The following SPOCK3 variants were observed in gnomAD, a reference collection of about 807,000 sequenced individuals.
SPOCK3 encodes the protein SPARC (osteonectin), cwcv and kazal like domains proteoglycan 3, also known as testican-3.
A neutral mutation model predicts 56.6 loss-of-function variants in SPOCK3; 30 were observed. The observed-to-expected ratio is 0.53, with a 90% CI of 0.40 to 0.72. The LOEUF (loss-of-function observed/expected upper bound fraction) is 0.72, where lower values mean the gene tolerates loss of function less well. Among genes scored for constraint, SPOCK3 ranks in the 30% least tolerant of loss-of-function variants. SPOCK3 has a pLI of 0.00. For missense variants in SPOCK3, 527 were observed against 530.0 expected (o/e 0.99, Z 0.06); for synonymous variants, 196 against 183.3 (o/e 1.07, Z -0.56).
chr4:167,018,479 A>C lies in SPOCK3; in HGVS notation c.236-18016T>G, dbSNP rs548195626. 5.3e-5 allele frequency among the ~76,000 whole-genome samples: 8 copies of C among 152,214 alleles called. No individual in the cohort carries two copies. The East Asian group carries it at 1.6e-3, about 30-fold the overall frequency. ...CACTAAATATGGTTTGTGATTCTATAGCCATTCGCCCAGAATAAAAGAACA... is the reference window on the plus strand; with the variant it reads ...CACTAAATATGGTTTGTGATTCTATCGCCATTCGCCCAGAATAAAAGAACA... On this transcript the variant is annotated intron_variant, in intron 3 of 10. Coordinates refer to ENST00000357545, the MANE Select transcript of SPOCK3 (RefSeq NM_001040159.2).
rs180950390 is a variant in SPOCK3, at chr4:166,996,457, A to C, written c.350+3892T>G. Among the ~76,000 whole-genome samples, 587 of 152,306 alleles carry C rather than the reference A, an allele frequency of 3.9e-3. 5 individuals are homozygous for C. Among genetic ancestry groups the C allele is most frequent in the Non-Finnish European group, 2.8e-3 (189 of 68,022 alleles). On this transcript the variant is annotated intron_variant, in intron 4 of 10. Transcript: ENST00000357545. ...ATCACCCTCAGCTGTCAGCATCTTC[A>C]GATCTTTCCCCAAGGGTAACAATAT...
intron 4 of SPOCK3, among the ~76,000 whole-genome samples, chr4:166,946,377 A>G (rs1432814421): frequency 1.3e-5 from 2 of 152,124 alleles, no homozygotes; most frequent in African/African-American, 2.4e-5. Context: ...AGCACATCTA[A>G]TTCATACCCC....
intron 2 of SPOCK3, among the ~76,000 whole-genome samples, chr4:167,127,480 T>G (rs952218568): frequency 2.6e-5 from 4 of 151,878 alleles, no homozygotes; most frequent in Non-Finnish European, 4.4e-5. Context: ...CAGGCTGAAG[T>G]GCAATGGCAT....
intron 3 of SPOCK3, among the ~76,000 whole-genome samples, chr4:167,001,522 T>G (rs1194573370): frequency 2.0e-5 from 3 of 152,222 alleles, no homozygotes; most frequent in African/African-American, 7.2e-5. Context: ...ATTTTATTTA[T>G]TCACTAGTAG....
At chr4:166,959,712 T>C (rs927343290) in intron 4 of SPOCK3, among the ~76,000 whole-genome samples, 1 of 152,024 alleles carries the variant, frequency 6.6e-6, no homozygotes, top group African/African-American at 2.4e-5. Flanking sequence ...CTTAATAATA[T>C]AACCACAATT....
intron 2 of SPOCK3, among the ~76,000 whole-genome samples, chr4:167,166,047 A>C (rs751159725): frequency 6.6e-6 from 1 of 152,116 alleles, no homozygotes; most frequent in South Asian, 2.1e-4. Context: ...GTTACTGCTC[A>C]AAATAGAGGA....
At chr4:166,964,422 A>G (rs926406501) in intron 4 of SPOCK3, among the ~76,000 whole-genome samples, 1 of 151,804 alleles carries the variant, frequency 6.6e-6, no homozygotes, top group African/African-American at 2.4e-5. Context: ...ATTGATTTAT[A>G]TGAAATATTT....
At chr4:166,775,444 A>G (rs1007320476) in intron 7 of SPOCK3, among the ~76,000 whole-genome samples, 1 of 152,168 alleles carries the variant, frequency 6.6e-6, no homozygotes, top group Non-Finnish European at 1.5e-5. Flanking sequence ...TGTGTGGGGT[A>G]TCTGGCTTTG....
chr4:166,795,754 T>G (rs1008907272), intron 6 of SPOCK3, among the ~76,000 whole-genome samples: 2 of 152,096 alleles, frequency 1.3e-5, no homozygotes, highest in Non-Finnish European at 2.9e-5. Context: ...AATAAATATT[T>G]TTTTCAGGTG....
chr4:167,031,407 A>G (rs1752260679), intron 3 of SPOCK3, among the ~76,000 whole-genome samples: 1 of 152,020 alleles, frequency 6.6e-6, no homozygotes, highest in African/African-American at 2.4e-5. Context: ...TTACTAAAAT[A>G]CTTTATTCCC....
intron 2 of SPOCK3, among the ~76,000 whole-genome samples, chr4:167,069,580 T>G (rs1756478889): frequency 2.0e-5 from 3 of 151,536 alleles, no homozygotes; most frequent in Admixed American, 1.3e-4. Context: ...GGCCATACAA[T>G]TAGTCAATGG....
intron 6 of SPOCK3, among the ~76,000 whole-genome samples, chr4:166,831,269 C>T (rs190150779): frequency 8.1e-4 from 123 of 152,208 alleles, no homozygotes; most frequent in African/African-American, 2.8e-3. Flanking sequence ...GTTGTGTCAA[C>T]ACAAAGAGTT....
chr4:166,877,570 G>T (rs1256236974), intron 6 of SPOCK3, among the ~76,000 whole-genome samples: 2 of 151,968 alleles, frequency 1.3e-5, no homozygotes, highest in East Asian at 1.9e-4. Flanking sequence ...GAAGAAAAAA[G>T]AATGAAAATC....
intron 2 of SPOCK3, among the ~76,000 whole-genome samples, chr4:167,124,394 C>T (rs1762109363): frequency 6.6e-6 from 1 of 152,054 alleles, no homozygotes; most frequent in African/African-American, 2.4e-5. Flanking sequence ...TGTCTAAAAC[C>T]CCTCTTATTT....
At position 167,074,340 on chromosome 4, in the gene SPOCK3, A is replaced by T. The variant is rs370716440; in HGVS notation, c.190-11803T>A. Among the ~76,000 whole-genome samples, 16 of 151,702 alleles carry T rather than the reference A, an allele frequency of 1.1e-4. No individual in the cohort carries two copies. The East Asian group carries it at 2.4e-3, about 22-fold the overall frequency. On this transcript the variant is annotated intron_variant, in intron 2 of 10. Coordinates refer to ENST00000357545, the MANE Select transcript of SPOCK3 (RefSeq NM_001040159.2). ...GTTTAGTTGAACGCTGCTGCCTGCA[A>T]CTCTTCCACGTGGCTGAAACTAAGG...
At chr4:167,201,370 T>G (rs1458402241) in intron 2 of SPOCK3, among the ~76,000 whole-genome samples, 1 of 151,922 alleles carries the variant, frequency 6.6e-6, no homozygotes, top group African/African-American at 2.4e-5. Flanking sequence ...GAATACATAA[T>G]CCACATCCCA....
At chr4:167,208,350 A>G (rs1482972597) in intron 2 of SPOCK3, among the ~76,000 whole-genome samples, 1 of 152,152 alleles carries the variant, frequency 6.6e-6, no homozygotes, top group Admixed American at 6.6e-5. Context: ...TCCCTCTGTG[A>G]GCAGAGATAT....
chr4:166,870,256 T>C (rs1208095358), intron 6 of SPOCK3, among the ~76,000 whole-genome samples: 1 of 152,028 alleles, frequency 6.6e-6, no homozygotes, highest in Non-Finnish European at 1.5e-5. Flanking sequence ...AGTAATAAGT[T>C]GATAGTGGCA....
chr4:167,129,250 C>T (rs1440627742), intron 2 of SPOCK3, among the ~76,000 whole-genome samples: 3 of 152,208 alleles, frequency 2.0e-5, no homozygotes, highest in Non-Finnish European at 4.4e-5. Context: ...GCATTTTAAG[C>T]ATCCCATTAC....
Sources: gnomAD v4.1 joint callset for allele counts (sites outside exome capture counted in the v4.1 genomes callset) on GRCh38, gnomAD v4.1.1 for gene constraint, MANE v1.5 for transcripts, NCBI Gene and HGNC (gene_info 2026-07-23, HGNC 2026-07-21) for gene names.